The following DOCK10 variants were observed in gnomAD, a reference collection of about 807,000 sequenced individuals.
DOCK10 encodes dedicator of cytokinesis 10.
A neutral mutation model predicts 280.1 loss-of-function variants in DOCK10; 145 were observed. The ratio of observed to expected loss-of-function variants is 0.52; its 90% CI spans 0.45 to 0.59. The LOEUF (loss-of-function observed/expected upper bound fraction) is 0.59. Ranked by LOEUF, DOCK10 falls within the 20% of genes least tolerant of loss-of-function variation. The probability of loss-of-function intolerance (pLI) is 0.00; values close to 1 mark genes in which losing one functional copy is unlikely to be tolerated. For missense variants in DOCK10, 2,368 were observed against 2,651.7 expected (o/e 0.89, Z 2.35); for synonymous variants, 915 against 942.2 (o/e 0.97, Z 0.53).
chr2:224,876,205 T>C lies in DOCK10; in HGVS notation c.764A>G (p.Lys255Arg), dbSNP rs2125695799. The change falls in exon 8 of 56, where the codon AAA becomes AGA. Residue 255 changes from lysine to arginine, a missense_variant. Coordinates refer to ENST00000258390, the MANE Select transcript of DOCK10 (RefSeq NM_014689.3). ...TGVVQNNRLR[K>R]YAFELKMNDL... ...ATTCATTTTCAATTCAAAGGCATATTTTCTTAGTCTGTTATTCTGTGGTAT... is the reference window on the plus strand; with the variant it reads ...ATTCATTTTCAATTCAAAGGCATATCTTCTTAGTCTGTTATTCTGTGGTAT... The C allele has an allele frequency of 6.2e-7, 1 of 1,610,576 alleles. No individual in the cohort carries two copies. The highest frequency in any genetic ancestry group is 8.5e-7 in the Non-Finnish European group (1 of 1,178,066).
At chr2:224,986,997 T>C (rs1415850552) in intron 1 of DOCK10, among the ~76,000 whole-genome samples, 4 of 152,156 alleles carry the variant, frequency 2.6e-5, no homozygotes, top group Non-Finnish European at 5.9e-5. Context: ...GAGTCACCTT[T>C]GAAGTATCTT....
chr2:225,032,123 T>C (rs970328980), intron 1 of DOCK10, among the ~76,000 whole-genome samples: 1 of 152,128 alleles, frequency 6.6e-6, no homozygotes, highest in African/African-American at 2.4e-5. Context: ...TAATTCTCTA[T>C]GAAAACCCCT....
intron 1 of DOCK10, among the ~76,000 whole-genome samples, chr2:225,030,873 T>C (rs932258923): frequency 6.6e-6 from 1 of 152,254 alleles, no homozygotes; most frequent in Non-Finnish European, 1.5e-5. Flanking sequence ...AAATATTATA[T>C]GCTGGTGCTT....
chr2:224,917,653 T>G (rs1701413439), intron 2 of DOCK10, among the ~76,000 whole-genome samples: 1 of 152,140 alleles, frequency 6.6e-6, no homozygotes. Context: ...ATAAGAAAAC[T>G]TTTTCAACTT....
chr2:224,916,674 C>A, intron 3 of DOCK10, 21 bp downstream of exon 3: 1 of 1,562,940 alleles, frequency 6.4e-7, no homozygotes, highest in Non-Finnish European at 8.8e-7. Flanking sequence ...TAAAATAAAG[C>A]ATTGGAAGCA....
chr2:224,919,757 T>C (rs1701583843), intron 2 of DOCK10, among the ~76,000 whole-genome samples: 1 of 152,058 alleles, frequency 6.6e-6, no homozygotes, highest in Non-Finnish European at 1.5e-5. Context: ...GTTTGTATCC[T>C]GTGAAAGAGG....
chr2:224,888,446 GA>G (rs766228960), intron 4 of DOCK10, among the ~76,000 whole-genome samples: 1 of 151,702 alleles, frequency 6.6e-6, no homozygotes, highest in African/African-American at 2.4e-5. Flanking sequence ...ATATGTGTGT[GA>G]ATATACATGC....
At chr2:225,026,293 T>C (rs1689920295) in intron 1 of DOCK10, among the ~76,000 whole-genome samples, 1 of 152,214 alleles carries the variant, frequency 6.6e-6, no homozygotes, top group Admixed American at 6.5e-5. Context: ...AGCAGCATTC[T>C]GGCAGGGCTA....
intron 53 of DOCK10, among the ~76,000 whole-genome samples, chr2:224,771,490 G>C (rs1168029691): frequency 6.6e-6 from 1 of 152,208 alleles, no homozygotes; most frequent in Non-Finnish European, 1.5e-5. Flanking sequence ...GCTCAAGGAG[G>C]CATTTATCAG....
chr2:224,800,093 T>C (rs762931963), intron 41 of DOCK10, 58 bp downstream of exon 41: 11 of 1,030,162 alleles, frequency 1.1e-5, no homozygotes, highest in Non-Finnish European at 1.4e-5. Flanking sequence ...TGACTTCACA[T>C]GGTTTTTCTA....
intron 33 of DOCK10, among the ~76,000 whole-genome samples, chr2:224,806,930 T>G (rs1693430893): frequency 6.6e-6 from 1 of 152,128 alleles, no homozygotes; most frequent in Admixed American, 6.6e-5. Flanking sequence ...GTTTTAAATA[T>G]TTATTGCTTG....
rs543215567 is a variant in DOCK10 at position 224,845,173 on chromosome 2, T to A, written c.2481+30A>T. On this transcript the variant is annotated intron_variant, in intron 21 of 55. Transcript: ENST00000258390. Reference sequence around the variant, plus strand: ...ATGCCATTAAGCTGGTGTGCTTTTTTAAAATCTTAAATTACACATTATTCA... The same window carrying A: ...ATGCCATTAAGCTGGTGTGCTTTTTAAAAATCTTAAATTACACATTATTCA... 62 of 1,551,784 alleles carry A rather than the reference T, an allele frequency of 4.0e-5. 2 individuals carry two copies. The South Asian group carries it at 6.2e-4, about 16-fold the overall frequency.
At chr2:225,038,185 C>T (rs1388025984) in intron 1 of DOCK10, among the ~76,000 whole-genome samples, 3 of 152,072 alleles carry the variant, frequency 2.0e-5, no homozygotes, top group African/African-American at 4.8e-5. Flanking sequence ...ATCTGGATAG[C>T]GACAGCAAAA....
intron 25 of DOCK10, among the ~76,000 whole-genome samples, chr2:224,835,350 G>A (rs1180679627): frequency 1.3e-5 from 2 of 152,188 alleles, no homozygotes; most frequent in African/African-American, 4.8e-5. Context: ...AATTTTGACT[G>A]TAACCCATCA....
chr2:224,874,211 A>C, intron 10 of DOCK10, 55 bp downstream of exon 10: 1 of 1,582,480 alleles, frequency 6.3e-7, no homozygotes. Context: ...TCTAAATTAT[A>C]ATCCCCAACT....
Position 224,886,205 on chromosome 2 carries a change from G to C in DOCK10, c.490-20C>G, listed in dbSNP as rs762875449. On this transcript the variant is annotated intron_variant, in intron 5 of 55. Coordinates refer to ENST00000258390, the MANE Select transcript of DOCK10 (RefSeq NM_014689.3). ...GGTATCCTGTAGGAAAGGCATAGTA[G>C]CATGACAGCCATCTTTTGTGGATCC... The C allele has an allele frequency of 1.9e-6, 3 of 1,613,468 alleles. No individual in the cohort carries two copies. The highest frequency in any genetic ancestry group is 2.5e-6 in the Non-Finnish European group (3 of 1,179,636).
At chr2:224,808,157 C>T in intron 31 of DOCK10, 71 bp from the exon 32 acceptor site, 3 of 1,367,586 alleles carry the variant, frequency 2.2e-6, no homozygotes, top group Non-Finnish European at 3.0e-6. Context: ...GACAGATATA[C>T]CAAACAACTA....
In DOCK10 at chr2:224,797,695, T is replaced by C. The variant is rs1015661125; in HGVS notation, c.4644+137A>G. On this transcript the variant is annotated intron_variant, in intron 42 of 55. Coordinates refer to ENST00000258390, the MANE Select transcript of DOCK10 (RefSeq NM_014689.3). The stretch of plus-strand genomic sequence containing the variant: ...CACTCATTTTGAGACCAGGAATCAA[T>C]GTCTAATAAAACCCAAATTGAAGAA... 5.3e-6 allele frequency: 5 copies of C among 949,026 alleles called. No homozygotes were observed. The East Asian group carries it at 1.0e-4, about 19-fold the overall frequency. The allele number at this position is 949,026 out of a possible 1,614,324, so 58.8% of individuals were successfully genotyped here.
intron 1 of DOCK10, among the ~76,000 whole-genome samples, chr2:224,936,021 A>C (rs1702671116): frequency 1.3e-5 from 2 of 152,180 alleles, no homozygotes; most frequent in South Asian, 4.1e-4. Flanking sequence ...TGGAGATTAT[A>C]CCCAATGAGT....
Sources: gnomAD v4.1 joint callset for allele counts (sites outside exome capture counted in the v4.1 genomes callset) on GRCh38, gnomAD v4.1.1 for gene constraint, MANE v1.5 for transcripts, NCBI Gene and HGNC (gene_info 2026-07-23, HGNC 2026-07-21) for gene names.